The following IFNGR2 variants were observed in gnomAD, a reference collection of about 807,000 sequenced individuals.
IFNGR2 encodes the protein interferon gamma receptor 2.
A neutral mutation model predicts 41.1 loss-of-function variants in IFNGR2; 15 were observed. The observed-to-expected ratio is 0.37, with a 90% confidence interval of 0.24 to 0.56. IFNGR2 has a LOEUF of 0.56. IFNGR2 is among the 20% of genes least tolerant of loss of function. The pLI is 0.81. For synonymous variants in IFNGR2, 161 were observed against 171.6 expected (o/e 0.94, Z 0.48); for missense variants, 362 against 415.7 (o/e 0.87, Z 1.12).
intron 2 of IFNGR2, among the ~76,000 whole-genome samples, chr21:33,415,578 T>A (rs1601074378): frequency 6.6e-6 from 1 of 152,364 alleles, no homozygotes; most frequent in East Asian, 1.9e-4. Flanking sequence ...AAAGTCCACA[T>A]CCTTTGTTAT....
chr21:33,432,304 G>GCAA lies in IFNGR2; in HGVS notation c.692_694dup (p.Asn231dup). ...AACATCTTTAGAGTCGGGCATTTAA[G>GCAA]CAACATATCTTGCTACGAAACAATG... On this transcript the variant is annotated inframe_insertion, in exon 5 of 7. Coordinates refer to ENST00000290219, the MANE Select transcript of IFNGR2 (RefSeq NM_005534.4). 1 of 1,614,134 alleles carries GCAA rather than the reference G, an allele frequency of 6.2e-7. No homozygotes were observed. The highest frequency in any genetic ancestry group is 2.2e-5 in the East Asian group (1 of 44,884).
At chr21:33,419,578 TTC>T (rs1273360954) in intron 2 of IFNGR2, among the ~76,000 whole-genome samples, 3 of 152,208 alleles carry the variant, frequency 2.0e-5, no homozygotes, top group Non-Finnish European at 2.9e-5. Flanking sequence ...ATGTAATTAT[TTC>T]TGTGTGGACA....
intron 2 of IFNGR2, among the ~76,000 whole-genome samples, chr21:33,418,199 G>A (rs879721267): frequency 1.3e-5 from 2 of 152,162 alleles, no homozygotes. Flanking sequence ...TGGGATTACA[G>A]GCACCCACCA....
chr21:33,416,166 T>G, intron 2 of IFNGR2, among the ~76,000 whole-genome samples: 1 of 152,094 alleles, frequency 6.6e-6, no homozygotes, highest in East Asian at 1.9e-4. Flanking sequence ...CCAGCCTTCA[T>G]AGTAGTTTTA....
At chr21:33,420,002 C>T (rs915498522) in intron 2 of IFNGR2, among the ~76,000 whole-genome samples, 1 of 152,146 alleles carries the variant, frequency 6.6e-6, no homozygotes, top group African/African-American at 2.4e-5. Context: ...CCCCTCACCC[C>T]CGACCTGAGA....
chr21:33,419,921 CG>C (rs1258818695), intron 2 of IFNGR2, among the ~76,000 whole-genome samples: 1 of 152,072 alleles, frequency 6.6e-6, no homozygotes, highest in African/African-American at 2.4e-5. Flanking sequence ...GGAGGAGGAG[CG>C]GGGCGGTTAG....
intron 1 of IFNGR2, among the ~76,000 whole-genome samples, chr21:33,405,228 A>T (rs1451183859): frequency 6.6e-6 from 1 of 152,156 alleles, no homozygotes; most frequent in East Asian, 1.9e-4. Flanking sequence ...GAGTGATATC[A>T]TAGGAGTCTC....
chr21:33,403,360 G>GGGGCGGGGGCGC (rs2083654125), upstream of IFNGR2: 2 of 187,906 alleles, frequency 1.1e-5, no homozygotes, highest in South Asian at 1.7e-4. Context: ...GGACGGGGCG[G>GGGGCGGGGGCGC]GGGCGGGGGC....
chr21:33,433,434 TAGAA>T (rs2083910121), intron 6 of IFNGR2, among the ~76,000 whole-genome samples: 1 of 152,136 alleles, frequency 6.6e-6, no homozygotes, highest in African/African-American at 2.4e-5. Context: ...CATTCAGCCT[TAGAA>T]AGGAAGGGGA....
In IFNGR2 at chr21:33,432,202, C is replaced by G. The variant is rs933775217; in HGVS notation, c.587C>G (p.Ser196Cys). ...GTCAAAGGCCCTTTCAGAAGCAACT[C>G]CATTTCATTGGATAACTTAAAACCC... ...QQVKGPFRSN[S>C]ISLDNLKPSR... is the part of the protein sequence containing the mutation. Residue 196 changes from serine (S) to cysteine (C), a missense_variant, in exon 5 of 7, where the codon TCC becomes TGC. Coordinates refer to ENST00000290219, the MANE Select transcript of IFNGR2 (RefSeq NM_005534.4). 6.2e-7 allele frequency: 1 copy of G among 1,614,014 alleles called. No homozygotes were observed.
intron 4 of IFNGR2, among the ~76,000 whole-genome samples, chr21:33,429,734 C>T (rs922527876): frequency 2.6e-5 from 4 of 152,144 alleles, no homozygotes; most frequent in Non-Finnish European, 1.5e-5. Context: ...GCCAAAATTC[C>T]GACTCCCAGA....
intron 1 of IFNGR2, among the ~76,000 whole-genome samples, chr21:33,405,339 C>A (rs1241883906): frequency 6.6e-6 from 1 of 152,092 alleles, no homozygotes; most frequent in Non-Finnish European, 1.5e-5. Context: ...TTCCGTATCT[C>A]CTTGATCTGG....
At position 33,431,097 on chromosome 21, in the gene IFNGR2, A is replaced by C. The variant is rs2083882157; in HGVS notation, c.562-1080A>C. Among the ~76,000 whole-genome samples, 8 of 152,252 alleles carry C rather than the reference A, an allele frequency of 5.3e-5. No homozygotes were observed. In the South Asian group the frequency reaches 1.7e-3, roughly 32 times the overall value. The stretch of plus-strand genomic sequence containing the variant: ...CAGAGGAGACACAGAACCTTCCTAG[A>C]GTCTAGGGTCCAGTTGTCTCCTGAT... On this transcript the variant is annotated intron_variant, in intron 4 of 6. Coordinates refer to ENST00000290219, the MANE Select transcript of IFNGR2 (RefSeq NM_005534.4).
intron 3 of IFNGR2, 43 bp from the exon 4 acceptor site, chr21:33,426,841 A>G: frequency 1.3e-6 from 2 of 1,499,370 alleles, no homozygotes; most frequent in Non-Finnish European, 1.9e-6. Context: ...TCTATAATAC[A>G]TATGTGTATG....
At chr21:33,403,059 T>G (rs1325549053), upstream of IFNGR2, 4 of 136,902 alleles carry the variant, frequency 2.9e-5, no homozygotes, top group African/African-American at 1.1e-4. Context: ...GGGCGAATCC[T>G]CGAATTGTGC....
chr21:33,411,259 T>A (rs1158077075), intron 1 of IFNGR2, among the ~76,000 whole-genome samples: 2 of 152,180 alleles, frequency 1.3e-5, no homozygotes, highest in Non-Finnish European at 2.9e-5. Context: ...AACCCCGACT[T>A]ATACAGTGAT....
intron 1 of IFNGR2, chr21:33,411,389 G>A: frequency 2.1e-6 from 1 of 468,782 alleles, no homozygotes; most frequent in Non-Finnish European, 4.4e-6. Flanking sequence ...GGGAACTAGA[G>A]GTGCCCGGAA....
intron 1 of IFNGR2, chr21:33,411,565 C>T (rs575827529): frequency 4.3e-5 from 20 of 468,982 alleles, no homozygotes; most frequent in East Asian, 3.5e-4. Flanking sequence ...AAAGGGACTC[C>T]GCAGATGTGA....
At chr21:33,434,101 G>A (rs2083919091) in intron 6 of IFNGR2, among the ~76,000 whole-genome samples, 1 of 152,208 alleles carries the variant, frequency 6.6e-6, no homozygotes, top group Non-Finnish European at 1.5e-5. Context: ...AGTAGCGTGG[G>A]TCTTGTGGAA....
Sources: gnomAD v4.1 joint callset for allele counts (sites outside exome capture counted in the v4.1 genomes callset) on GRCh38, gnomAD v4.1.1 for gene constraint, MANE v1.5 for transcripts, NCBI Gene and HGNC (gene_info 2026-07-23, HGNC 2026-07-21) for gene names.